Variants in UPRT observed in about 807,000 individuals in gnomAD.
UPRT encodes the protein uracil phosphoribosyltransferase homolog, also known as RP11-311P8.3.
In UPRT, 5 loss-of-function variants were observed where a neutral mutation model predicts 22.6. The ratio of observed to expected loss-of-function variants is 0.22; its 90% confidence interval spans 0.12 to 0.47. UPRT has a LOEUF of 0.47. Ranked by LOEUF, UPRT falls within the 20% of genes least tolerant of loss-of-function variation. The probability of loss-of-function intolerance (pLI) is 0.99; values close to 1 mark genes in which losing one functional copy is unlikely to be tolerated. For synonymous variants in UPRT, 77 were observed against 87.7 expected, an observed-to-expected ratio of 0.88 and a Z score of 0.68; for missense variants, 181 against 239.9, an observed-to-expected ratio of 0.75 and a Z score of 1.62.
chrX:75,177,543 C>G (rs1355499924), intron 4 of UPRT, among the ~76,000 whole-genome samples: 2 of 111,202 alleles, frequency 1.8e-5, no homozygotes, highest in Non-Finnish European at 3.8e-5. Flanking sequence ...TACCCCTGTC[C>G]TATAAAGATG....
chrX:75,240,067 A>G (rs1021101006), intron 4 of UPRT, among the ~76,000 whole-genome samples: 7 of 111,446 alleles, frequency 6.3e-5, no homozygotes, highest in Admixed American at 1.9e-4. Flanking sequence ...CACCACTTCT[A>G]TTCAACATAG....
chrX:75,268,561 C>T (rs1019350255), intron 4 of UPRT, among the ~76,000 whole-genome samples: 8 of 111,439 alleles, frequency 7.2e-5, no homozygotes, highest in African/African-American at 1.6e-4. Context: ...TTGTCTGTCA[C>T]GATCAAGTTG....
At chrX:75,276,952 C>T (rs1213908377) in intron 1 of UPRT, among the ~76,000 whole-genome samples, 2 of 111,733 alleles carry the variant, frequency 1.8e-5, no homozygotes, top group African/African-American at 6.5e-5. Flanking sequence ...ATGGTTTGCC[C>T]ATTCTGCACA....
At chrX:75,276,142 A>C (rs2082630706) in intron 1 of UPRT, among the ~76,000 whole-genome samples, 1 of 112,006 alleles carries the variant, frequency 8.9e-6, no homozygotes, top group Non-Finnish European at 1.9e-5. Context: ...CTTCAGGGTG[A>C]AACACAGCAT....
At chrX:75,189,195 T>G (rs973784213) in intron 4 of UPRT, among the ~76,000 whole-genome samples, 13 of 112,188 alleles carry the variant, frequency 1.2e-4, no homozygotes, top group Admixed American at 1.1e-3. Context: ...TTTTTCTCAT[T>G]GGTTTCAAAG....
chrX:75,274,206 C>G lies in UPRT; in HGVS notation c.-49C>G. On this transcript the variant is annotated 5_prime_UTR_variant, in exon 1 of 7. Coordinates refer to ENST00000373383, the MANE Select transcript of UPRT (RefSeq NM_145052.4). ...GCATCTGTCCTTTCTACCCGTTCCT[C>G]TTTATCTTTAGTGTTCAGTAGCAGC... is the stretch of plus-strand genomic sequence containing the variant. The G allele has an allele frequency of 1.7e-6, 2 of 1,160,417 alleles. No homozygotes were observed. The highest frequency in any genetic ancestry group is 2.3e-6 in the Non-Finnish European group (2 of 869,022).
rs2082754543 is a variant in UPRT at position 75,304,152 on chromosome X, G to A, written c.*641G>A. ...AAGCTGTAATGCAGTGAAGAAGATG[G>A]TGGGGCATTTTTAGTAATTGGAACT... is the stretch of plus-strand genomic sequence containing the variant. On this transcript the variant is annotated 3_prime_UTR_variant, in exon 7 of 7. Transcript: ENST00000373383. 1.8e-5 allele frequency: 2 copies of A among 111,749 alleles called. No homozygotes were observed. Among genetic ancestry groups the A allele is most frequent in the African/African-American group, 6.5e-5 (2 of 30,722 alleles). The allele number at this position is 111,749 out of a possible 1,213,427, so 9.2% of individuals were successfully genotyped here. A position where few individuals can be genotyped will look rare whatever the true frequency, so the allele number is the denominator to read the frequency against.
chrX:75,296,965 C>G lies in UPRT; in HGVS notation c.500-526C>G, dbSNP rs1455418054. On this transcript the variant is annotated intron_variant, in intron 3 of 6. Coordinates refer to ENST00000373383, the MANE Select transcript of UPRT (RefSeq NM_145052.4). ...GGGTTTACTTTATGAAACTTGGGGA[C>G]TGAGTTTGTAGCATCATAATTGACA... 6.3e-5 allele frequency among the ~76,000 whole-genome samples: 7 copies of G among 111,573 alleles called. No individual in the cohort carries two copies. In the Admixed American group the frequency reaches 6.7e-4, roughly 11 times the overall value.
chrX:75,170,895 A>G (rs2082225611), intron 4 of UPRT, among the ~76,000 whole-genome samples: 1 of 111,735 alleles, frequency 8.9e-6, no homozygotes, highest in Non-Finnish European at 1.9e-5. Context: ...AGTTAACAAT[A>G]GGACCCCAAT....
At chrX:75,215,036 G>A (rs755855921) in intron 4 of UPRT, among the ~76,000 whole-genome samples, 4 of 111,327 alleles carry the variant, frequency 3.6e-5, no homozygotes, top group Non-Finnish European at 7.5e-5. Context: ...GTGACAGGTA[G>A]TTTTATGGCA....
At chrX:75,287,915 G>C (rs747094580) in intron 1 of UPRT, among the ~76,000 whole-genome samples, 1 of 110,856 alleles carries the variant, frequency 9.0e-6, no homozygotes, top group Admixed American at 9.6e-5. Flanking sequence ...AAACAAAATC[G>C]ATAGACCATT....
At chrX:75,273,333 A>C (rs1004972074), upstream of UPRT, among the ~76,000 whole-genome samples, 6 of 110,638 alleles carry the variant, frequency 5.4e-5, no homozygotes, top group Non-Finnish European at 1.1e-4. Flanking sequence ...TAAAAGTTAA[A>C]AAAAAAAAAA....
intron 4 of UPRT, among the ~76,000 whole-genome samples, chrX:75,190,498 G>T (rs1478188935): frequency 2.7e-5 from 3 of 111,360 alleles, no homozygotes; most frequent in Non-Finnish European, 5.6e-5. Context: ...GGACTTTTCT[G>T]TATTTCCTGA....
At chrX:75,242,127 T>G (rs1218959062) in intron 4 of UPRT, among the ~76,000 whole-genome samples, 3 of 111,604 alleles carry the variant, frequency 2.7e-5, no homozygotes, top group Non-Finnish European at 3.8e-5. Flanking sequence ...AGTAGACATT[T>G]TGAGATCTAA....
intron 2 of UPRT, among the ~76,000 whole-genome samples, chrX:75,162,731 T>G (rs143117967): frequency 1.1e-3 from 123 of 111,806 alleles, no homozygotes; most frequent in African/African-American, 3.9e-3. Context: ...ACTTTATGTT[T>G]GAGGGAGCCT....
chrX:75,180,695 G>GTTTTTTTTTTTTT (rs61040746), intron 4 of UPRT, among the ~76,000 whole-genome samples: 6 of 34,657 alleles, frequency 1.7e-4, no homozygotes, highest in African/African-American at 7.7e-4. Flanking sequence ...TTTTTTTTTT[G>GTTTTTTTTTTTTT]TTTTTTTTTT....
At chrX:75,254,497 A>G (rs1251585003) in intron 4 of UPRT, among the ~76,000 whole-genome samples, 1 of 112,165 alleles carries the variant, frequency 8.9e-6, no homozygotes, top group East Asian at 2.8e-4. Context: ...ATTTAAGAAA[A>G]CATAAACAAA....
At chrX:75,173,541 G>T in intron 4 of UPRT, among the ~76,000 whole-genome samples, 1 of 112,707 alleles carries the variant, frequency 8.9e-6, no homozygotes, top group East Asian at 2.8e-4. Context: ...TTCACCTAGT[G>T]GATCCTACAC....
At chrX:75,249,278 G>C (rs2082519222) in intron 4 of UPRT, among the ~76,000 whole-genome samples, 1 of 111,562 alleles carries the variant, frequency 9.0e-6, no homozygotes, top group Non-Finnish European at 1.9e-5. Flanking sequence ...TGGATAAAGA[G>C]TCAAGACCCA....
Sources: allele counts gnomAD v4.1 joint callset (sites outside exome capture counted in the v4.1 genomes callset), GRCh38; gene constraint gnomAD v4.1.1; transcripts MANE v1.5; gene names NCBI Gene and HGNC (gene_info 2026-07-23, HGNC 2026-07-21).